HHIPL1: variants seen among roughly 807,000 people sequenced by gnomAD.
The protein encoded by HHIPL1 is HHIP like 1, also known as HHIP-like protein 1.
HHIPL1 carries 43 observed loss-of-function variants against 61.8 expected under a neutral mutation model. The observed-to-expected ratio is 0.70, with a 90% CI of 0.55 to 0.90. The LOEUF (loss-of-function observed/expected upper bound fraction) is 0.90, where lower values mean the gene tolerates loss of function less well. HHIPL1 is among the 40% of genes least tolerant of loss of function. The pLI is 0.00. For missense variants in HHIPL1, 1,056 were observed against 1,157.7 expected (o/e 0.91, Z 1.28); for synonymous variants, 482 against 515.8 (o/e 0.93, Z 0.89).
the HHIPL1 span, among the ~76,000 whole-genome samples, chr14:99,617,393 C>T: frequency 6.6e-6 from 1 of 152,102 alleles, no homozygotes; most frequent in African/African-American, 2.4e-5. Context: ...CATCTGTCAC[C>T]ATGAGAAAGC....
In HHIPL1 at chr14:99,652,527, G is replaced by C. The variant is rs747475308; in HGVS notation, c.559G>C (p.Glu187Gln). ...DAKGCLQLCL[E>Q]EVANGLRNPV... ...CAAGGGCTGCCTGCAGCTGTGCCTG[G>C]AGGAGGTGGCCAACGGGCTGCGCAA... The change falls in exon 2 of 9, where the codon GAG (glutamate) becomes CAG (glutamine). Residue 187 changes from glutamate to glutamine, a missense_variant. Coordinates refer to ENST00000330710, the MANE Select transcript of HHIPL1 (RefSeq NM_001127258.3). 3 of 1,613,482 alleles carry C rather than the reference G, an allele frequency of 1.9e-6. No homozygotes were observed. In the South Asian group the frequency reaches 3.3e-5, roughly 18 times the overall value.
At chr14:99,634,407 A>G in the HHIPL1 span, among the ~76,000 whole-genome samples, 2 of 152,158 alleles carry the variant, frequency 1.3e-5, no homozygotes, top group African/African-American at 4.8e-5. Context: ...GCTGGGGAAA[A>G]TAAGTCTTAC....
the HHIPL1 span, among the ~76,000 whole-genome samples, chr14:99,613,696 G>T: frequency 1.3e-5 from 2 of 151,962 alleles, no homozygotes; most frequent in Non-Finnish European, 2.9e-5. Context: ...ATCACTTGAG[G>T]TGAGGAGTTC....
chr14:99,616,431 TA>T, the HHIPL1 span, among the ~76,000 whole-genome samples: 1 of 152,152 alleles, frequency 6.6e-6, no homozygotes, highest in African/African-American at 2.4e-5. Flanking sequence ...ATTGGGAGGA[TA>T]GGGGAGGGGA....
At chr14:99,611,636 C>G in the HHIPL1 span, among the ~76,000 whole-genome samples, 1 of 146,642 alleles carries the variant, frequency 6.8e-6, no homozygotes, top group Admixed American at 6.8e-5. Context: ...CTATGTTGCC[C>G]AGGCTGATCT....
At chr14:99,670,569 T>C (rs984470819) in intron 7 of HHIPL1, among the ~76,000 whole-genome samples, 1 of 152,170 alleles carries the variant, frequency 6.6e-6, no homozygotes, top group Non-Finnish European at 1.5e-5. Flanking sequence ...TTTTTCTTGT[T>C]TAAGAGCACA....
At chr14:99,631,104 CTT>C in the HHIPL1 span, among the ~76,000 whole-genome samples, 1,354 of 136,154 alleles carry the variant, frequency 9.9e-3, 21 homozygotes, top group Middle Eastern at 0.026. Context: ...TTCTTTCTTT[CTT>C]TCTCTCTCTT....
In HHIPL1 at chr14:99,662,978, C is replaced by A. The variant is rs756045342; in HGVS notation, c.1605C>A (p.Asn535Lys). 1 of 1,613,818 alleles carries A rather than the reference C, an allele frequency of 6.2e-7. No homozygotes were observed. The highest frequency in any genetic ancestry group is 8.5e-7 in the Non-Finnish European group (1 of 1,179,858). The change falls in exon 6 of 9, where the codon AAC becomes AAA. Residue 535 changes from asparagine to lysine, a missense_variant. By Grantham distance (94) the Asn-to-Lys change is moderately conservative. Coordinates refer to ENST00000330710, the MANE Select transcript of HHIPL1 (RefSeq NM_001127258.3). ...CCTGTGAGTTCCCAGGCCTCATCAA[C>A]AACTACTACCCGTACATCATCTCCT... ...GQTCEFPGLI[N>K]NYYPYIISFG...
the HHIPL1 span, among the ~76,000 whole-genome samples, chr14:99,611,841 G>T: frequency 6.6e-6 from 1 of 152,068 alleles, no homozygotes; most frequent in Admixed American, 6.6e-5. Flanking sequence ...CCAAGACAGA[G>T]AATGTCAGGG....
chr14:99,657,281 A>AG, intron 3 of HHIPL1, 138 bp downstream of exon 3: 11 of 1,008,218 alleles, frequency 1.1e-5, no homozygotes, highest in Non-Finnish European at 1.7e-5. Context: ...CTCAGCCTGC[A>AG]GCTAGCTGGG....
rs1386905796 is a variant in HHIPL1, at chr14:99,675,703, C to T, written c.*77C>T. On this transcript the variant is annotated 3_prime_UTR_variant, in exon 9 of 9. Transcript: ENST00000330710. This position sits in a 1 kb window ranked among gnomAD's most constrained non-coding sequence, Gnocchi z 5.4. Reference sequence around the variant, plus strand: ...GCCGCTCCGCCCTGTGTGCGCCCAGCGGGTGCACACGTGTTCTAGAGTGAA... The same window carrying T: ...GCCGCTCCGCCCTGTGTGCGCCCAGTGGGTGCACACGTGTTCTAGAGTGAA... 3.0e-6 allele frequency: 4 copies of T among 1,342,274 alleles called. No homozygotes were observed. The highest frequency in any genetic ancestry group is 5.2e-5 in the East Asian group (2 of 38,804). The allele number at this position is 1,342,274 out of a possible 1,614,324, so 83.1% of individuals were successfully genotyped here.
chr14:99,611,193 A>T, the HHIPL1 span, among the ~76,000 whole-genome samples: 1 of 152,112 alleles, frequency 6.6e-6, no homozygotes, highest in East Asian at 1.9e-4. Flanking sequence ...GCAATGGTTC[A>T]GTCATGGCTG....
At chr14:99,620,337 C>G in the HHIPL1 span, among the ~76,000 whole-genome samples, 1 of 152,250 alleles carries the variant, frequency 6.6e-6, no homozygotes, top group Admixed American at 6.5e-5. Flanking sequence ...CTTCTGGCCC[C>G]TGGCCTCTCC....
In HHIPL1 at chr14:99,675,642, C is replaced by A. The variant is rs2056383246; in HGVS notation, c.*16C>A. On this transcript the variant is annotated 3_prime_UTR_variant, in exon 9 of 9. Transcript: ENST00000330710. The surrounding 1 kb of genome is among the most constrained non-coding windows in gnomAD (Gnocchi z 5.4). ...CGACCTGTAGGCAACACGCCGCTGC[C>A]CCAGGCCATCCCGCCGGCGGGGGAG... The A allele has an allele frequency of 6.7e-7, 1 of 1,488,204 alleles. No individual in the cohort carries two copies. The highest frequency in any genetic ancestry group is 8.9e-7 in the Non-Finnish European group (1 of 1,119,236). The allele number at this position is 1,488,204 out of a possible 1,614,324, so 92.2% of individuals were successfully genotyped here. A position where few individuals can be genotyped will look rare whatever the true frequency, so the allele number is the denominator to read the frequency against.
chr14:99,633,674 G>A, the HHIPL1 span, among the ~76,000 whole-genome samples: 4 of 152,348 alleles, frequency 2.6e-5, no homozygotes, highest in South Asian at 2.1e-4. Context: ...TAAATCTGGG[G>A]CTATCAGGAG....
At chr14:99,608,577 A>G in the HHIPL1 span, among the ~76,000 whole-genome samples, 2 of 152,176 alleles carry the variant, frequency 1.3e-5, no homozygotes, top group Non-Finnish European at 2.9e-5. Flanking sequence ...CTTCTTCAGG[A>G]CAGTGAGGCA....
At chr14:99,607,409 G>A in the HHIPL1 span, among the ~76,000 whole-genome samples, 71 of 152,132 alleles carry the variant, frequency 4.7e-4, no homozygotes, top group Non-Finnish European at 9.1e-4. Flanking sequence ...AGGGAAAGTA[G>A]CTGTGAGTCT....
chr14:99,650,181 C>T (rs2055902807), intron 1 of HHIPL1, among the ~76,000 whole-genome samples: 1 of 152,226 alleles, frequency 6.6e-6, no homozygotes, highest in South Asian at 2.1e-4. Flanking sequence ...TGGGCCCTGG[C>T]CTGGGGCTTG....
chr14:99,654,016 C>T (rs1022428146), intron 2 of HHIPL1, among the ~76,000 whole-genome samples: 1 of 152,030 alleles, frequency 6.6e-6, no homozygotes. Flanking sequence ...TGGCGAAACC[C>T]TGTCTCTACT....
Sources: allele counts gnomAD v4.1 joint callset (sites outside exome capture counted in the v4.1 genomes callset), GRCh38; gene constraint gnomAD v4.1.1; non-coding constraint Gnocchi (gnomAD v3.1); transcripts MANE v1.5; gene names NCBI Gene and HGNC (gene_info 2026-07-23, HGNC 2026-07-21).